The following NFKB1 variants were observed in gnomAD, a reference collection of about 807,000 sequenced individuals.
The protein encoded by NFKB1 is nuclear factor NF-kappa-B p105 subunit.
NFKB1 carries 9 observed loss-of-function variants against 105.1 expected under a neutral mutation model. The ratio of observed to expected loss-of-function variants is 0.09; its 90% CI spans 0.05 to 0.15. NFKB1 has a LOEUF of 0.15. Ranked by LOEUF, NFKB1 falls within the 10% of genes least tolerant of loss-of-function variation. NFKB1 has a pLI of 1.00. For missense variants in NFKB1, 830 were observed against 1,203.7 expected (o/e 0.69, Z 4.59); for synonymous variants, 440 against 442.2 (o/e 1.00, Z 0.06).
chr4:102,523,713 A>G (rs1275178734), intron 1 of NFKB1, among the ~76,000 whole-genome samples: 5 of 152,170 alleles, frequency 3.3e-5, no homozygotes. Context: ...TTTATCTGCC[A>G]TCCCCTAGGC....
rs4647985 is a variant in NFKB1, at chr4:102,525,865, A to G, written c.39+308A>G. Among the ~76,000 whole-genome samples the G allele has an allele frequency of 2.6e-5, 4 of 152,268 alleles. No homozygotes were observed. The South Asian group carries it at 8.3e-4, about 32-fold the overall frequency. ...CTGATGGCTTAAAACAACAAAATACATTATTTCACAGTTCTGGGGGCTAGA... is the reference window on the plus strand; with the variant it reads ...CTGATGGCTTAAAACAACAAAATACGTTATTTCACAGTTCTGGGGGCTAGA... On this transcript the variant is annotated intron_variant, in intron 2 of 23. Coordinates refer to ENST00000226574, the MANE Select transcript of NFKB1 (RefSeq NM_003998.4).
intron 10 of NFKB1, 82 bp downstream of exon 10, chr4:102,583,039 G>A (rs1725437237): frequency 1.3e-5 from 12 of 903,946 alleles, no homozygotes; most frequent in Non-Finnish European, 2.1e-5. Context: ...CAGTGCAGTG[G>A]TACAATCACA....
intron 5 of NFKB1, among the ~76,000 whole-genome samples, chr4:102,560,059 C>T (rs1230120430): frequency 1.4e-4 from 21 of 151,934 alleles, no homozygotes; most frequent in Non-Finnish European, 2.9e-4. Context: ...AAGTGACATA[C>T]ATGAACATTT....
intron 21 of NFKB1, 94 bp from the exon 22 acceptor site, chr4:102,612,340 G>T: frequency 7.4e-7 from 1 of 1,348,820 alleles, no homozygotes; most frequent in East Asian, 2.3e-5. Flanking sequence ...TGGTTCCACT[G>T]GGAGTTGGAC....
intron 15 of NFKB1, among the ~76,000 whole-genome samples, chr4:102,599,791 A>C (rs1297778056): frequency 6.6e-6 from 1 of 152,218 alleles, no homozygotes; most frequent in Admixed American, 6.5e-5. Flanking sequence ...TAGTAAAAAG[A>C]CAATATATAT....
Position 102,613,529 on chromosome 4 carries a change from C to T in NFKB1, c.2697C>T (p.Thr899=). 5.6e-6 allele frequency: 9 copies of T among 1,613,830 alleles called. No homozygotes were observed. Among genetic ancestry groups the T allele is most frequent in the African/African-American group, 1.3e-5 (1 of 74,990 alleles). ...CAGCCTCCAGCCCAGTGAAGACCAC[C>T]TCTCAGGCCCACTCGCTGCCTCTCT... The part of the protein sequence containing the change: ...IQAASSPVKT[T]SQAHSLPLSP... Residue 899 remains threonine, a synonymous_variant, in exon 23 of 24, where the codon ACC becomes ACT. Coordinates refer to ENST00000226574, the MANE Select transcript of NFKB1 (RefSeq NM_003998.4).
intron 2 of NFKB1, among the ~76,000 whole-genome samples, chr4:102,529,630 GT>G (rs1316862292): frequency 6.6e-6 from 1 of 152,144 alleles, no homozygotes; most frequent in African/African-American, 2.4e-5. Context: ...CGTAAACGTT[GT>G]CCAACCCTAT....
At position 102,606,581 on chromosome 4, in the gene NFKB1, A is replaced by G. The variant is rs1036891634; in HGVS notation, c.1838A>G (p.Asp613Gly). 4 of 1,614,036 alleles carry G rather than the reference A, an allele frequency of 2.5e-6. No individual in the cohort carries two copies. The African/African-American group carries it at 4.0e-5, about 16-fold the overall frequency. The change falls in exon 17 of 24, where the codon GAC becomes GGC. Residue 613 changes from aspartate (D) to glycine (G), a missense_variant. By Grantham distance (94) the Asp-to-Gly change is moderately conservative. Around this residue, in one of 8 missense-constraint regions of NFKB1, gnomAD observed 418 missense variants for 575.3 expected, o/e 0.73. Coordinates refer to ENST00000226574, the MANE Select transcript of NFKB1 (RefSeq NM_003998.4). ...GCTGGGGCCGACCTGAGCCTTCTGG[A>G]CCGCTTGGGTAACTCTGTTTTGCAC... ...LRAGADLSLLDRLGNSVLHLA... is the reference protein window; with the variant it reads ...LRAGADLSLLGRLGNSVLHLA...
intron 2 of NFKB1, 129 bp downstream of exon 2, chr4:102,525,686 T>C (rs1740865328): frequency 1.3e-6 from 1 of 781,978 alleles, no homozygotes; most frequent in East Asian, 2.7e-5. Flanking sequence ...AATTTCAGTT[T>C]CTCTGTCCTT....
At chr4:102,535,444 A>G (rs1454221628) in intron 4 of NFKB1, among the ~76,000 whole-genome samples, 2 of 152,202 alleles carry the variant, frequency 1.3e-5, no homozygotes, top group East Asian at 3.8e-4. Context: ...TTATGTGAGT[A>G]AAACAATGTG....
chr4:102,611,962 T>C, intron 20 of NFKB1, 82 bp from the exon 21 acceptor site: 2 of 1,106,956 alleles, frequency 1.8e-6, no homozygotes, highest in Non-Finnish European at 2.7e-6. Context: ...GAGGACATGC[T>C]GAGTTGTTTA....
chr4:102,588,444 C>CAAAAAA (rs574735273), intron 11 of NFKB1, among the ~76,000 whole-genome samples: 2 of 134,048 alleles, frequency 1.5e-5, no homozygotes, highest in Non-Finnish European at 3.3e-5. Context: ...TGTACAAAAG[C>CAAAAAA]AAAAAAAAAT....
At chr4:102,537,826 A>C (rs1470185627) in intron 4 of NFKB1, 32 bp from the exon 5 acceptor site, 4 of 1,359,066 alleles carry the variant, frequency 2.9e-6, no homozygotes, top group African/African-American at 1.4e-5. Flanking sequence ...AGTATTTCTC[A>C]AACTTAATTG....
intron 16 of NFKB1, among the ~76,000 whole-genome samples, chr4:102,606,246 A>G (rs1348549388): frequency 6.6e-6 from 1 of 152,256 alleles, no homozygotes. Context: ...CTATTTGTCA[A>G]TTAAATTTAA....
intron 1 of NFKB1, among the ~76,000 whole-genome samples, chr4:102,512,131 A>C (rs892217040): frequency 5.3e-5 from 8 of 152,216 alleles, no homozygotes; most frequent in African/African-American, 1.7e-4. Flanking sequence ...GTTGTTAGTA[A>C]AAAATAGAAA....
intron 23 of NFKB1, among the ~76,000 whole-genome samples, chr4:102,615,941 A>C (rs1365181716): frequency 6.6e-6 from 1 of 152,226 alleles, no homozygotes; most frequent in Non-Finnish European, 1.5e-5. Flanking sequence ...ATTTTCACCA[A>C]AATCATTTTA....
intron 5 of NFKB1, among the ~76,000 whole-genome samples, chr4:102,560,715 G>A (rs1701391885): frequency 6.6e-6 from 1 of 152,096 alleles, no homozygotes; most frequent in African/African-American, 2.4e-5. Flanking sequence ...TATGACTTTG[G>A]GTTATGTCAC....
At chr4:102,606,452 T>C in intron 16 of NFKB1, 44 bp from the exon 17 acceptor site, 1 of 1,557,510 alleles carries the variant, frequency 6.4e-7, no homozygotes, top group Non-Finnish European at 8.8e-7. Flanking sequence ...TGTAAGTAAG[T>C]ATTCACTGCT....
At chr4:102,505,763 A>AATATCTAATCAATACTGACG (rs1352723423) in intron 1 of NFKB1, among the ~76,000 whole-genome samples, 3 of 152,210 alleles carry the variant, frequency 2.0e-5, no homozygotes, top group Non-Finnish European at 2.9e-5. Flanking sequence ...AAAAATAAAT[A>AATATCTAATCAATACTGACG]ATATCTAATC....
Sources: gnomAD v4.1 joint callset for allele counts (sites outside exome capture counted in the v4.1 genomes callset) on GRCh38, gnomAD v4.1.1 for gene constraint, gnomAD v4.1.1 regional missense constraint, MANE v1.5 for transcripts, NCBI Gene and HGNC (gene_info 2026-07-23, HGNC 2026-07-21) for gene names.